SPIDR: variants seen among roughly 807,000 people sequenced by gnomAD.
SPIDR encodes DNA repair-scaffolding protein.
In SPIDR, 93 loss-of-function variants were observed where a neutral mutation model predicts 104.6. The ratio of observed to expected loss-of-function variants is 0.89; its 90% CI spans 0.75 to 1.06. The LOEUF (loss-of-function observed/expected upper bound fraction) is 1.06, where lower values mean the gene tolerates loss of function less well. Among genes scored for constraint, SPIDR ranks in the 50% least tolerant of loss-of-function variants. The probability of loss-of-function intolerance (pLI) is 0.00; values close to 1 mark genes in which losing one functional copy is unlikely to be tolerated. For synonymous variants in SPIDR, 431 were observed against 416.9 expected (o/e 1.03, Z -0.41); for missense variants, 1,154 against 1,111.2 (o/e 1.04, Z -0.55).
At chr8:47,627,255 G>C (rs530845776) in intron 10 of SPIDR, among the ~76,000 whole-genome samples, 52 of 152,210 alleles carry the variant, frequency 3.4e-4, no homozygotes, top group Non-Finnish European at 7.2e-4. Context: ...GCGGGAGCGG[G>C]GAGGGATAGC....
At chr8:47,578,244 G>T (rs151218241) in intron 8 of SPIDR, among the ~76,000 whole-genome samples, 1 of 152,042 alleles carries the variant, frequency 6.6e-6, no homozygotes, top group Non-Finnish European at 1.5e-5. Context: ...AGGCCGAGGC[G>T]GGCAGATCAC....
At chr8:47,523,557 A>T (rs1447995372) in intron 8 of SPIDR, among the ~76,000 whole-genome samples, 1 of 152,174 alleles carries the variant, frequency 6.6e-6, no homozygotes, top group Non-Finnish European at 1.5e-5. Flanking sequence ...AAACCACCTC[A>T]AGTCCAGCCA....
Position 47,673,915 on chromosome 8 carries a change from G to A in SPIDR, c.1659G>A (p.Lys553=), listed in dbSNP as rs1301946913. ...EGKSCSLVGM[K]VLQKVTRGRT... Reference sequence around the variant, plus strand: ...AGTCTTGCAGCCTGGTGGGAATGAAGGTTCTACAGAAAGTCACCAGAGGAA... The same window carrying A: ...AGTCTTGCAGCCTGGTGGGAATGAAAGTTCTACAGAAAGTCACCAGAGGAA... Residue 553 remains lysine (K), a synonymous_variant, in exon 11 of 20, where the codon AAG becomes AAA. Transcript: ENST00000297423. The A allele has an allele frequency of 1.2e-6, 2 of 1,613,912 alleles. No homozygotes were observed. Among genetic ancestry groups the A allele is most frequent in the African/African-American group, 1.3e-5 (1 of 74,916 alleles).
chr8:47,316,828 T>A (rs900724978), intron 5 of SPIDR, among the ~76,000 whole-genome samples: 1 of 152,208 alleles, frequency 6.6e-6, no homozygotes, highest in African/African-American at 2.4e-5. Flanking sequence ...TTTTATTGTA[T>A]ATAAAACCTA....
chr8:47,699,596 C>A (rs1461849179), intron 11 of SPIDR, among the ~76,000 whole-genome samples: 2 of 152,140 alleles, frequency 1.3e-5, no homozygotes, highest in East Asian at 3.9e-4. Flanking sequence ...GCTCTTGTCA[C>A]CCAGCTGGAC....
chr8:47,671,520 G>A (rs867867673), intron 10 of SPIDR, among the ~76,000 whole-genome samples: 1 of 152,016 alleles, frequency 6.6e-6, no homozygotes, highest in Middle Eastern at 3.4e-3. Context: ...GGGAGATGGA[G>A]GTTGCGGTGA....
chr8:47,396,324 A>G, intron 5 of SPIDR, 52 bp from the exon 6 acceptor site: 1 of 1,441,216 alleles, frequency 6.9e-7, no homozygotes, highest in East Asian at 2.3e-5. Context: ...GTGGACTTGA[A>G]TAAAGTATCC....
intron 8 of SPIDR, among the ~76,000 whole-genome samples, chr8:47,493,230 A>G (rs1391892730): frequency 6.6e-6 from 1 of 152,204 alleles, no homozygotes; most frequent in Non-Finnish European, 1.5e-5. Context: ...ACAGATTTCC[A>G]GTAATAGAAT....
rs146497539 is a variant in SPIDR at position 47,444,464 on chromosome 8, G to A, written c.1097+3922G>A. On this transcript the variant is annotated intron_variant, in intron 8 of 19. Transcript: ENST00000297423. The stretch of plus-strand genomic sequence containing the variant: ...CCAGTATGCTGGAAGAGCGAAGTCT[G>A]ACTTTCCCTATTGTCATGAGTATAC... 5.5e-4 allele frequency among the ~76,000 whole-genome samples: 84 copies of A among 152,288 alleles called. 1 individual carries two copies. The highest frequency in any genetic ancestry group is 1.9e-3 in the African/African-American group (78 of 41,548).
At chr8:47,412,043 T>G (rs1248892705) in intron 7 of SPIDR, among the ~76,000 whole-genome samples, 3 of 152,170 alleles carry the variant, frequency 2.0e-5, no homozygotes, top group African/African-American at 7.2e-5. Flanking sequence ...TACCATGGTG[T>G]TTTTGTTACT....
chr8:47,697,002 T>G (rs1299426613), intron 11 of SPIDR, among the ~76,000 whole-genome samples: 1 of 152,106 alleles, frequency 6.6e-6, no homozygotes, highest in Non-Finnish European at 1.5e-5. Context: ...GGCCCTCATC[T>G]CCAGTACAGC....
intron 15 of SPIDR, 48 bp from the exon 16 acceptor site, chr8:47,713,441 T>A (rs1448041273): frequency 1.2e-6 from 2 of 1,611,466 alleles, no homozygotes; most frequent in African/African-American, 1.3e-5. Context: ...TGGGCACAAT[T>A]CACTTTTTCT....
intron 8 of SPIDR, among the ~76,000 whole-genome samples, chr8:47,586,462 A>G (rs1199045047): frequency 6.6e-6 from 1 of 152,162 alleles, no homozygotes; most frequent in African/African-American, 2.4e-5. Flanking sequence ...TGTGGTTTTA[A>G]TGTGCATTTT....
At chr8:47,409,355 T>G (rs2063194914) in intron 7 of SPIDR, among the ~76,000 whole-genome samples, 1 of 152,200 alleles carries the variant, frequency 6.6e-6, no homozygotes, top group Non-Finnish European at 1.5e-5. Context: ...ACTCTTGTTT[T>G]TCAACAAATT....
At chr8:47,608,870 C>T (rs1420260221) in intron 10 of SPIDR, among the ~76,000 whole-genome samples, 1 of 152,130 alleles carries the variant, frequency 6.6e-6, no homozygotes, top group East Asian at 1.9e-4. Flanking sequence ...ACTACACGTG[C>T]GTGTGCGCTA....
chr8:47,454,011 A>G (rs2072436669), intron 8 of SPIDR, among the ~76,000 whole-genome samples: 1 of 152,190 alleles, frequency 6.6e-6, no homozygotes, highest in African/African-American at 2.4e-5. Flanking sequence ...AAATAGGAAC[A>G]CTTTTACAGC....
At chr8:47,273,951 G>A (rs986183724) in intron 1 of SPIDR, among the ~76,000 whole-genome samples, 5 of 152,136 alleles carry the variant, frequency 3.3e-5, no homozygotes, top group Middle Eastern at 3.2e-3. Context: ...GTTACTGAGT[G>A]GAGCTGAAAA....
intron 11 of SPIDR, among the ~76,000 whole-genome samples, chr8:47,688,027 G>A (rs904471213): frequency 6.6e-6 from 1 of 151,572 alleles, no homozygotes; most frequent in Non-Finnish European, 1.5e-5. Flanking sequence ...GTGTGTGTGT[G>A]TGTGTGTGTG....
At chr8:47,618,723 T>A (rs765254242) in intron 10 of SPIDR, among the ~76,000 whole-genome samples, 5 of 152,212 alleles carry the variant, frequency 3.3e-5, no homozygotes, top group Admixed American at 6.5e-5. Flanking sequence ...TTTAAAGTAA[T>A]CGTTTTTTAG....
Sources: gnomAD v4.1 joint callset for allele counts (sites outside exome capture counted in the v4.1 genomes callset) on GRCh38, gnomAD v4.1.1 for gene constraint, MANE v1.5 for transcripts, NCBI Gene and HGNC (gene_info 2026-07-23, HGNC 2026-07-21) for gene names.